SLC24A3: variants seen among roughly 807,000 people sequenced by gnomAD.
The protein encoded by SLC24A3 is solute carrier family 24 member 3, also known as sodium/potassium/calcium exchanger 3.
In SLC24A3, 28 loss-of-function variants were observed where a neutral mutation model predicts 75.8. The ratio of observed to expected loss-of-function variants is 0.37; its 90% CI spans 0.27 to 0.51. The LOEUF (loss-of-function observed/expected upper bound fraction) is 0.51. Among genes scored for constraint, SLC24A3 ranks in the 20% least tolerant of loss-of-function variants. SLC24A3 has a pLI of 0.94. For synonymous variants in SLC24A3, 372 were observed against 334.1 expected, an observed-to-expected ratio of 1.11 and a Z score of -1.24; for missense variants, 663 against 847.8, an observed-to-expected ratio of 0.78 and a Z score of 2.71.
At chr20:19,461,112 C>G (rs1457989271) in intron 2 of SLC24A3, among the ~76,000 whole-genome samples, 1 of 152,142 alleles carries the variant, frequency 6.6e-6, no homozygotes, top group African/African-American at 2.4e-5. Context: ...TGGAGAAAGC[C>G]CCTGATCATC....
chr20:19,579,924 C>A, intron 3 of SLC24A3, 76 bp from the exon 4 acceptor site: 1 of 1,078,944 alleles, frequency 9.3e-7, no homozygotes, highest in Non-Finnish European at 1.4e-6. Flanking sequence ...ATTATCAAAG[C>A]AGAAGGTGGC....
chr20:19,395,241 GA>G (rs1234447260), intron 2 of SLC24A3, among the ~76,000 whole-genome samples: 8 of 152,274 alleles, frequency 5.3e-5, no homozygotes, highest in African/African-American at 1.4e-4. Context: ...TTTGCAAGAT[GA>G]AAAAGTTCTG....
intron 3 of SLC24A3, among the ~76,000 whole-genome samples, chr20:19,579,490 G>T (rs998871908): frequency 2.6e-5 from 4 of 152,136 alleles, no homozygotes; most frequent in Non-Finnish European, 4.4e-5. Flanking sequence ...TGACTGCTGC[G>T]GATATGGCAA....
intron 4 of SLC24A3, among the ~76,000 whole-genome samples, chr20:19,583,876 C>A (rs1312163008): frequency 2.6e-5 from 4 of 152,306 alleles, no homozygotes; most frequent in African/African-American, 9.6e-5. Context: ...CGCTGTCCAG[C>A]CGACAGCGAA....
At chr20:19,636,001 G>A (rs1039061575) in intron 6 of SLC24A3, among the ~76,000 whole-genome samples, 10 of 152,268 alleles carry the variant, frequency 6.6e-5, no homozygotes, top group East Asian at 1.9e-4. Context: ...TTAGCCAGGC[G>A]TGGTGGCGGG....
intron 6 of SLC24A3, among the ~76,000 whole-genome samples, chr20:19,625,454 A>C (rs1290379454): frequency 6.6e-6 from 1 of 152,178 alleles, no homozygotes; most frequent in Non-Finnish European, 1.5e-5. Context: ...TCTTGATGAG[A>C]CAATGTCAAA....
chr20:19,264,401 C>G (rs956379660), intron 1 of SLC24A3, among the ~76,000 whole-genome samples: 1 of 152,112 alleles, frequency 6.6e-6, no homozygotes, highest in Non-Finnish European at 1.5e-5. Context: ...CGCTATGTGT[C>G]TCTCTGCTTC....
chr20:19,284,338 T>G (rs1471309995), intron 2 of SLC24A3: 3 of 152,644 alleles, frequency 2.0e-5, no homozygotes, highest in African/African-American at 7.2e-5. Flanking sequence ...TTCTAAAACT[T>G]TGTTCAGTTT....
intron 3 of SLC24A3, among the ~76,000 whole-genome samples, chr20:19,527,266 T>C (rs1283183498): frequency 6.6e-6 from 1 of 152,224 alleles, no homozygotes; most frequent in South Asian, 2.1e-4. Context: ...CCCAGAATGA[T>C]GTTGGAGACC....
chr20:19,225,669 A>G lies in SLC24A3; in HGVS notation c.142+12685A>G, dbSNP rs996094720. Among the ~76,000 whole-genome samples the G allele has an allele frequency of 2.6e-5, 4 of 152,268 alleles. No homozygotes were observed. The South Asian group carries it at 8.3e-4, about 32-fold the overall frequency. On this transcript the variant is annotated intron_variant, in intron 1 of 16. Coordinates refer to ENST00000328041, the MANE Select transcript of SLC24A3 (RefSeq NM_020689.4). ...ATAGTTTTGTCTTTTTGAGAACGTC[A>G]TAGATGGAGTTCTATAGTTTATAAT...
intron 7 of SLC24A3, among the ~76,000 whole-genome samples, chr20:19,659,038 T>C (rs1293998006): frequency 6.6e-6 from 1 of 152,226 alleles, no homozygotes; most frequent in Non-Finnish European, 1.5e-5. Context: ...AAATACTTTA[T>C]TTTTACCTTT....
At chr20:19,384,502 G>T (rs1986238050) in intron 2 of SLC24A3, among the ~76,000 whole-genome samples, 7 of 152,166 alleles carry the variant, frequency 4.6e-5, no homozygotes, top group Admixed American at 4.6e-4. Flanking sequence ...AGCAAACAAA[G>T]AATTTCCTTC....
intron 6 of SLC24A3, among the ~76,000 whole-genome samples, chr20:19,630,122 A>G (rs1281887216): frequency 6.6e-6 from 1 of 152,230 alleles, no homozygotes; most frequent in Non-Finnish European, 1.5e-5. Context: ...TTAGAGGCTT[A>G]GGGCACAAGA....
intron 2 of SLC24A3, among the ~76,000 whole-genome samples, chr20:19,458,093 G>A (rs1987609415): frequency 6.6e-6 from 1 of 152,090 alleles, no homozygotes; most frequent in Non-Finnish European, 1.5e-5. Flanking sequence ...GAGCTACAGT[G>A]CTTTGTAAGT....
intron 3 of SLC24A3, among the ~76,000 whole-genome samples, chr20:19,542,412 G>A (rs3790254): frequency 0.52 from 79,010 of 151,990 alleles, 20,750 homozygotes; most frequent in African/African-American, 0.57. Context: ...AAATTGACTG[G>A]AAACCACGCC....
chr20:19,472,714 T>C (rs1987895426), intron 2 of SLC24A3, among the ~76,000 whole-genome samples: 1 of 152,174 alleles, frequency 6.6e-6, no homozygotes, highest in South Asian at 2.1e-4. Flanking sequence ...ACTGCAGGAT[T>C]TTCTGTTGGA....
At chr20:19,449,845 T>C (rs1987451164) in intron 2 of SLC24A3, among the ~76,000 whole-genome samples, 1 of 152,226 alleles carries the variant, frequency 6.6e-6, no homozygotes, top group African/African-American at 2.4e-5. Context: ...AGAGTGTTCA[T>C]TCCAGATACG....
chr20:19,688,268 A>G (rs955724461), intron 12 of SLC24A3, among the ~76,000 whole-genome samples: 3 of 152,168 alleles, frequency 2.0e-5, no homozygotes, highest in Non-Finnish European at 4.4e-5. Flanking sequence ...CCACACTTGG[A>G]GCACGGAGAG....
At chr20:19,637,693 T>A (rs1403996316) in intron 6 of SLC24A3, among the ~76,000 whole-genome samples, 1 of 152,212 alleles carries the variant, frequency 6.6e-6, no homozygotes, top group Non-Finnish European at 1.5e-5. Context: ...ATGTAAATGT[T>A]TTCAGTGTTG....
Sources: allele counts gnomAD v4.1 joint callset (sites outside exome capture counted in the v4.1 genomes callset), GRCh38; gene constraint gnomAD v4.1.1; transcripts MANE v1.5; gene names NCBI Gene and HGNC (gene_info 2026-07-23, HGNC 2026-07-21).